CBLN2: variants seen among roughly 807,000 people sequenced by gnomAD.
The protein encoded by CBLN2 is cerebellin-2.
In CBLN2, 7 loss-of-function variants were observed where a neutral mutation model predicts 15.0. The ratio of observed to expected loss-of-function variants is 0.47; its 90% confidence interval spans 0.27 to 0.88. The LOEUF (loss-of-function observed/expected upper bound fraction) is 0.88. CBLN2 is among the 40% of genes least tolerant of loss of function. CBLN2 has a pLI of 0.14. For missense variants in CBLN2, 242 were observed against 304.5 expected, an observed-to-expected ratio of 0.79 and a Z score of 1.53; for synonymous variants, 149 against 135.2, an observed-to-expected ratio of 1.10 and a Z score of -0.71.
chr18:72,545,031 T>A (rs1156422502), upstream of CBLN2, among the ~76,000 whole-genome samples: 2 of 151,980 alleles, frequency 1.3e-5, no homozygotes, highest in African/African-American at 4.8e-5. Context: ...CATTAGAGCA[T>A]CTGTATTTCT....
At chr18:72,554,299 A>G (rs1453555995) in intron 1 of CBLN2, among the ~76,000 whole-genome samples, 1 of 152,146 alleles carries the variant, frequency 6.6e-6, no homozygotes, top group East Asian at 1.9e-4. Context: ...TGACAAGAAT[A>G]ATTTTTAAGA....
intron 1 of CBLN2, among the ~76,000 whole-genome samples, chr18:72,621,161 G>A (rs758304315): frequency 3.7e-4 from 56 of 152,096 alleles, no homozygotes; most frequent in African/African-American, 8.7e-4. Context: ...GCACTGTAGC[G>A]TTATGATTCA....
chr18:72,559,105 A>C (rs1188159748), intron 1 of CBLN2, among the ~76,000 whole-genome samples: 1 of 152,146 alleles, frequency 6.6e-6, no homozygotes, highest in African/African-American at 2.4e-5. Context: ...TATAAAGTAC[A>C]CCCTGAAGCA....
chr18:72,600,473 C>T (rs147597721), intron 1 of CBLN2, among the ~76,000 whole-genome samples: 271 of 152,274 alleles, frequency 1.8e-3, no homozygotes, highest in African/African-American at 6.3e-3. Context: ...AAATGTGAGA[C>T]TAAGTGTAGT....
At chr18:72,586,164 A>C (rs1276116698) in intron 1 of CBLN2, among the ~76,000 whole-genome samples, 1 of 152,222 alleles carries the variant, frequency 6.6e-6, no homozygotes, top group African/African-American at 2.4e-5. Flanking sequence ...TGGAGCATGC[A>C]GCCCTGGCCA....
chr18:72,618,833 C>T, intron 1 of CBLN2: 1 of 737,824 alleles, frequency 1.4e-6, no homozygotes, highest in Non-Finnish European at 2.5e-6. Flanking sequence ...GCGAGTGCTT[C>T]ATCCAGCCAA....
At chr18:72,632,564 A>G (rs2069784297) in intron 1 of CBLN2, among the ~76,000 whole-genome samples, 1 of 152,140 alleles carries the variant, frequency 6.6e-6, no homozygotes, top group South Asian at 2.1e-4. Flanking sequence ...ACTCTTTTAC[A>G]ATGTGGCCAT....
chr18:72,592,730 C>G (rs1045517109), intron 1 of CBLN2, among the ~76,000 whole-genome samples: 1 of 152,124 alleles, frequency 6.6e-6, no homozygotes, highest in African/African-American at 2.4e-5. Context: ...GTTTCCCCAG[C>G]ACCATTTAAT....
chr18:72,550,292 A>G (rs1456611830), intron 1 of CBLN2, among the ~76,000 whole-genome samples: 2 of 152,240 alleles, frequency 1.3e-5, no homozygotes, highest in Non-Finnish European at 2.9e-5. Flanking sequence ...CAATAAGCCT[A>G]AACATTTGTG....
chr18:72,571,821 A>G (rs2069334036), intron 1 of CBLN2, among the ~76,000 whole-genome samples: 1 of 152,218 alleles, frequency 6.6e-6, no homozygotes, highest in South Asian at 2.1e-4. Context: ...CTTAAATGAG[A>G]GCACTGACAT....
intron 1 of CBLN2, among the ~76,000 whole-genome samples, chr18:72,592,338 A>T (rs4892016): frequency 0.96 from 145,780 of 152,050 alleles, 70,115 homozygotes; most frequent in Non-Finnish European, 1. Flanking sequence ...GCCCATTTTT[A>T]AATAGAATTA....
At chr18:72,633,735 C>G (rs1170076629) in intron 1 of CBLN2, among the ~76,000 whole-genome samples, 1 of 152,108 alleles carries the variant, frequency 6.6e-6, no homozygotes, top group Non-Finnish European at 1.5e-5. Context: ...AACTTGTGTA[C>G]TTAAACATTT....
chr18:72,603,467 T>C (rs895973931), intron 1 of CBLN2, among the ~76,000 whole-genome samples: 4 of 152,154 alleles, frequency 2.6e-5, no homozygotes, highest in Non-Finnish European at 5.9e-5. Flanking sequence ...GTAGTCACTA[T>C]ATATTCTTGA....
intron 1 of CBLN2, among the ~76,000 whole-genome samples, chr18:72,554,327 T>C (rs897415687): frequency 1.3e-5 from 2 of 152,108 alleles, no homozygotes; most frequent in African/African-American, 4.8e-5. Context: ...AAACATTTTC[T>C]TTAACCGGCC....
chr18:72,543,644 C>T lies in CBLN2; in HGVS notation c.-211-114G>A, dbSNP rs1228855058. 5 of 380,348 alleles carry T rather than the reference C, an allele frequency of 1.3e-5. No individual in the cohort carries two copies. Among genetic ancestry groups the T allele is most frequent in the Middle Eastern group, 6.6e-4 (1 of 1,508 alleles). 23.6% of individuals were successfully genotyped at this position (380,348 alleles called of 1,614,324 possible). A position where few individuals can be genotyped will look rare whatever the true frequency, so the allele number is the denominator to read the frequency against. The stretch of plus-strand genomic sequence containing the variant: ...CGCCCCGCCCTGCCGCTTTCCCGCG[C>T]CAGCCTGCGCCGCTTCAGGGGTGCA... On this transcript the variant is annotated intron_variant, in intron 1 of 4. Transcript: ENST00000269503. This position sits in a 1 kb window ranked among gnomAD's most constrained non-coding sequence, Gnocchi z 6.8.
At chr18:72,637,091 G>A (rs1352229576) in intron 1 of CBLN2, among the ~76,000 whole-genome samples, 1 of 150,462 alleles carries the variant, frequency 6.6e-6, no homozygotes, top group African/African-American at 2.4e-5. Context: ...AAGCAGCAAT[G>A]AGGTAGGGAA....
At chr18:72,541,698 A>C in intron 3 of CBLN2, 106 bp downstream of exon 3, 1 of 811,214 alleles carries the variant, frequency 1.2e-6, no homozygotes, top group Non-Finnish European at 1.9e-6. Flanking sequence ...GGGGGAGGAC[A>C]GAGCCTGGGA....
At chr18:72,545,660 C>T (rs2069152688), upstream of CBLN2, among the ~76,000 whole-genome samples, 1 of 152,070 alleles carries the variant, frequency 6.6e-6, no homozygotes, top group Non-Finnish European at 1.5e-5. Context: ...ATCATTCCAC[C>T]ATAGAGAGAA....
intron 1 of CBLN2, among the ~76,000 whole-genome samples, chr18:72,572,878 AT>A (rs1248328628): frequency 6.6e-6 from 1 of 152,002 alleles, no homozygotes; most frequent in Non-Finnish European, 1.5e-5. Context: ...AAATAAAATA[AT>A]TTTTTAAAAT....
Sources: gnomAD v4.1 joint callset for allele counts (sites outside exome capture counted in the v4.1 genomes callset) on GRCh38, gnomAD v4.1.1 for gene constraint, Gnocchi (gnomAD v3.1) non-coding constraint, MANE v1.5 for transcripts, NCBI Gene and HGNC (gene_info 2026-07-23, HGNC 2026-07-21) for gene names.